The following PTPRF variants were observed in gnomAD, a reference collection of about 807,000 sequenced individuals.
The protein encoded by PTPRF is protein tyrosine phosphatase receptor type F, also known as receptor-type tyrosine-protein phosphatase F.
Under a neutral mutation model 201.8 loss-of-function variants are expected in PTPRF, and 59 were observed. The ratio of observed to expected loss-of-function variants is 0.29; its 90% CI spans 0.24 to 0.36. The LOEUF is 0.36. Among genes scored for constraint, PTPRF ranks in the 10% least tolerant of loss-of-function variants. PTPRF has a pLI of 1.00. For synonymous variants in PTPRF, 1,088 were observed against 1,089.7 expected, an observed-to-expected ratio of 1.00 and a Z score of 0.03; for missense variants, 2,132 against 2,690.5, an observed-to-expected ratio of 0.79 and a Z score of 4.59.
chr1:43,533,258 G>A (rs945779249), intron 1 of PTPRF, among the ~76,000 whole-genome samples: 2 of 152,252 alleles, frequency 1.3e-5, no homozygotes, highest in African/African-American at 2.4e-5. Flanking sequence ...GCCCTGGGCG[G>A]GTTGGCTTGG....
intron 6 of PTPRF, among the ~76,000 whole-genome samples, chr1:43,571,854 A>T (rs553540848): frequency 6.6e-6 from 1 of 152,290 alleles, no homozygotes; most frequent in South Asian, 2.1e-4. Flanking sequence ...TGGCTACACC[A>T]CTTACCAGCT....
intron 22 of PTPRF, chr1:43,612,763 T>C: frequency 1.5e-6 from 2 of 1,365,680 alleles, no homozygotes; most frequent in Non-Finnish European, 2.0e-6. Context: ...TTTTTTTCTC[T>C]GCAGGTTCCA....
rs781347680 is a variant in PTPRF, at chr1:43,590,998, G to A, written c.976G>A (p.Val326Met). The A allele has an allele frequency of 5.3e-5, 85 of 1,613,072 alleles. No homozygotes were observed. The Admixed American group carries it at 6.2e-4, about 12-fold the overall frequency. Reference sequence around the variant, plus strand: ...TCTTCCAAAGCCTCCGATTGATCTTGTGGTGACAGAGACAACTGCCACCAG... The same window carrying A: ...TCTTCCAAAGCCTCCGATTGATCTTATGGTGACAGAGACAACTGCCACCAG... ...KALPKPPIDL[V>M]VTETTATSVT... Residue 326 changes from valine (V) to methionine (M), a missense_variant, in exon 9 of 34, where the codon GTG (valine) becomes ATG (methionine). Around this residue, in one of 6 missense-constraint regions of PTPRF, gnomAD observed 297 missense variants for 454.0 expected, o/e 0.65. Transcript: ENST00000359947.
intron 14 of PTPRF, 149 bp downstream of exon 14, chr1:43,602,246 G>A: frequency 2.1e-6 from 2 of 931,190 alleles, no homozygotes; most frequent in African/African-American, 3.2e-5. Flanking sequence ...TTAGACACAA[G>A]CACTGAGCTG....
chr1:43,540,710 A>G (rs1644307757), intron 2 of PTPRF, among the ~76,000 whole-genome samples: 1 of 150,706 alleles, frequency 6.6e-6, no homozygotes, highest in African/African-American at 2.5e-5. Flanking sequence ...AGCTGGTGGG[A>G]GCCCCGATAC....
At chr1:43,556,049 T>C (rs1400096471) in intron 5 of PTPRF, among the ~76,000 whole-genome samples, 2 of 152,188 alleles carry the variant, frequency 1.3e-5, no homozygotes, top group Admixed American at 1.3e-4. Context: ...CCTGCACATC[T>C]TCCCCACTGT....
intron 11 of PTPRF, 55 bp downstream of exon 11, chr1:43,592,656 C>A: frequency 6.7e-7 from 1 of 1,484,532 alleles, no homozygotes; most frequent in Non-Finnish European, 9.0e-7. Context: ...CACACACACA[C>A]ACATGCACAC....
chr1:43,552,072 A>G (rs983688288), intron 3 of PTPRF, among the ~76,000 whole-genome samples: 3 of 151,786 alleles, frequency 2.0e-5, no homozygotes, highest in African/African-American at 7.3e-5. Flanking sequence ...GGCTCCCATC[A>G]GTATTTAAAC....
At chr1:43,560,338 A>T (rs1645719978) in intron 5 of PTPRF, among the ~76,000 whole-genome samples, 1 of 151,960 alleles carries the variant, frequency 6.6e-6, no homozygotes, top group African/African-American at 2.4e-5. Flanking sequence ...GGTGGTGTGC[A>T]GCAGGCTGTG....
chr1:43,613,759 C>G (rs1657062860), intron 23 of PTPRF, 44 bp downstream of exon 23: 2 of 1,518,200 alleles, frequency 1.3e-6, no homozygotes, highest in Non-Finnish European at 1.8e-6. Flanking sequence ...CCCAGGCCTA[C>G]CCAAACCAGC....
At chr1:43,619,637 C>T (rs1460367279) in intron 28 of PTPRF, 43 bp from the exon 29 acceptor site, 5 of 1,610,756 alleles carry the variant, frequency 3.1e-6, no homozygotes, top group Non-Finnish European at 4.2e-6. Flanking sequence ...TGACCCCCAC[C>T]CCCACAGGAA....
At position 43,620,236 on chromosome 1, in the gene PTPRF, T is replaced by C. The variant is rs751652381; in HGVS notation, c.5238+15T>C. 3.1e-6 allele frequency: 5 copies of C among 1,613,360 alleles called. No individual in the cohort carries two copies. Among genetic ancestry groups the C allele is most frequent in the Non-Finnish European group, 4.2e-6 (5 of 1,179,600 alleles). On this transcript the variant is annotated intron_variant, in intron 30 of 33. Transcript: ENST00000359947. Reference sequence around the variant, plus strand: ...AGATGGGCAGGGTGAGCCCACCCTTTCCCCCAGGGCCCCTGTCATACCTGG... The same window carrying C: ...AGATGGGCAGGGTGAGCCCACCCTTCCCCCCAGGGCCCCTGTCATACCTGG...
intron 1 of PTPRF, among the ~76,000 whole-genome samples, chr1:43,535,699 C>G (rs896329927): frequency 6.6e-6 from 1 of 152,210 alleles, no homozygotes; most frequent in Non-Finnish European, 1.5e-5. Context: ...CAAGGGCTTT[C>G]TTTCTTGATA....
Position 43,622,014 on chromosome 1 carries a change from C to G in PTPRF, c.*11C>G. On this transcript the variant is annotated 3_prime_UTR_variant, in exon 34 of 34. Coordinates refer to ENST00000359947, the MANE Select transcript of PTPRF (RefSeq NM_002840.5). ...CACTATGCAACGTAACTACCGCTCC[C>G]CTCTCCTCCGCCACCCCCGCCGTGG... is the stretch of plus-strand genomic sequence containing the variant. 6.2e-7 allele frequency: 1 copy of G among 1,613,778 alleles called. No homozygotes were observed. The highest frequency in any genetic ancestry group is 8.5e-7 in the Non-Finnish European group (1 of 1,179,802).
At chr1:43,570,297 G>A (rs758869830) in intron 6 of PTPRF, among the ~76,000 whole-genome samples, 1 of 152,192 alleles carries the variant, frequency 6.6e-6, no homozygotes, top group Non-Finnish European at 1.5e-5. Flanking sequence ...GAGCCAGCTC[G>A]GAGCCCTGGG....
At chr1:43,583,240 G>GCAGGA (rs1333368712) in intron 7 of PTPRF, 9 of 468,964 alleles carry the variant, frequency 1.9e-5, no homozygotes, top group Non-Finnish European at 2.5e-5. Flanking sequence ...CGGCGGGCAG[G>GCAGGA]CAGGACCAGG....
chr1:43,569,855 C>A, intron 6 of PTPRF, 77 bp downstream of exon 6: 1 of 1,459,696 alleles, frequency 6.9e-7, no homozygotes, highest in East Asian at 2.4e-5. Flanking sequence ...ACAGCCTACT[C>A]CCTTGGGCCT....
At position 43,588,759 on chromosome 1, in the gene PTPRF, C is replaced by G; in HGVS notation, c.708C>G (p.Ile236Met). Reference protein sequence around the residue: ...RVRRVAPRFSIPPSSQEVMPG... With the variant: ...RVRRVAPRFSMPPSSQEVMPG... ...GCCGCGTGGCTCCTCGTTTCTCCAT[C>G]CCTCCCAGCAGCCAGGAGGTGATGC... is the stretch of plus-strand genomic sequence containing the variant. The change falls in exon 8 of 34, where the codon ATC (isoleucine) becomes ATG (methionine). Residue 236 changes from isoleucine (I) to methionine (M), a missense_variant. This residue lies in a region of PTPRF where 297 missense variants were observed against 454.0 expected (regional missense o/e 0.65). Coordinates refer to ENST00000359947, the MANE Select transcript of PTPRF (RefSeq NM_002840.5). The surrounding 1 kb of genome is among the most constrained non-coding windows in gnomAD (Gnocchi z 5.3). The G allele has an allele frequency of 6.2e-7, 1 of 1,613,838 alleles. No homozygotes were observed. Among genetic ancestry groups the G allele is most frequent in the Non-Finnish European group, 8.5e-7 (1 of 1,180,018 alleles).
intron 12 of PTPRF, chr1:43,598,404 G>A: frequency 2.1e-6 from 1 of 477,668 alleles, no homozygotes; most frequent in East Asian, 3.4e-5. Context: ...CCTAGGAGGA[G>A]TCAGGACAGG....
Sources: allele counts gnomAD v4.1 joint callset (sites outside exome capture counted in the v4.1 genomes callset), GRCh38; gene constraint gnomAD v4.1.1; regional missense constraint gnomAD v4.1.1; non-coding constraint Gnocchi (gnomAD v3.1); transcripts MANE v1.5; gene names NCBI Gene and HGNC (gene_info 2026-07-23, HGNC 2026-07-21).